Variants in MEGF11 observed in about 807,000 individuals in gnomAD.
The protein encoded by MEGF11 is multiple epidermal growth factor-like domains protein 11.
In MEGF11, 126 loss-of-function variants were observed where a neutral mutation model predicts 146.6. That is an observed-to-expected ratio of 0.86 (90% CI 0.74 to 1.00). The LOEUF (loss-of-function observed/expected upper bound fraction) is 1.00. Among genes scored for constraint, MEGF11 ranks in the 50% least tolerant of loss-of-function variants. MEGF11 has a pLI of 0.00. For missense variants in MEGF11, 1,509 were observed against 1,521.2 expected (o/e 0.99, Z 0.13); for synonymous variants, 532 against 583.4 (o/e 0.91, Z 1.27).
At chr15:66,071,349 G>T (rs1011842576) in intron 5 of MEGF11, among the ~76,000 whole-genome samples, 1 of 152,188 alleles carries the variant, frequency 6.6e-6, no homozygotes, top group Non-Finnish European at 1.5e-5. Context: ...AGCCTCTGAG[G>T]TCATCAGCCA....
At chr15:66,183,204 A>G (rs2090599060) in intron 1 of MEGF11, among the ~76,000 whole-genome samples, 1 of 152,144 alleles carries the variant, frequency 6.6e-6, no homozygotes. Context: ...GGGGAAGGAG[A>G]AGATACACAC....
intron 7 of MEGF11, among the ~76,000 whole-genome samples, chr15:65,978,058 TC>T (rs1409761402): frequency 1.3e-5 from 2 of 152,270 alleles, no homozygotes; most frequent in East Asian, 3.8e-4. Context: ...GCCAGGAATC[TC>T]TGAGGAGGGG....
rs141557317 is a variant in MEGF11 at position 66,211,251 on chromosome 15, T to C, written c.-9+42354A>G. Among the ~76,000 whole-genome samples the C allele has an allele frequency of 3.5e-3, 538 of 152,302 alleles. 2 individuals carry two copies. Among genetic ancestry groups the C allele is most frequent in the South Asian group, 0.015 (71 of 4,824 alleles). ...AGAAAGAAAATCATCCAGCCGGGCT[T>C]GGTGGCTCACGCCTGTAATCTCAGC... On this transcript the variant is annotated intron_variant, in intron 1 of 25. Coordinates refer to ENST00000395614, the MANE Select transcript of MEGF11 (RefSeq NM_001385028.1).
intron 4 of MEGF11, among the ~76,000 whole-genome samples, chr15:66,112,904 T>A (rs2087508852): frequency 6.6e-6 from 1 of 152,068 alleles, no homozygotes; most frequent in Non-Finnish European, 1.5e-5. Context: ...CTGAAAGAAC[T>A]AAAGAACTTT....
At chr15:65,905,975 G>T in intron 24 of MEGF11, 110 bp downstream of exon 24, 4 of 846,706 alleles carry the variant, frequency 4.7e-6, no homozygotes, top group Non-Finnish European at 5.6e-6. Context: ...ACCTTCTGTG[G>T]GGGGCAGGCA....
At chr15:66,086,101 C>G (rs1340824444) in intron 5 of MEGF11, among the ~76,000 whole-genome samples, 1 of 151,894 alleles carries the variant, frequency 6.6e-6, no homozygotes, top group Non-Finnish European at 1.5e-5. Flanking sequence ...TTAACCCAAT[C>G]CAACAAAGAC....
At chr15:66,195,823 G>A (rs547284584) in intron 1 of MEGF11, among the ~76,000 whole-genome samples, 2 of 152,304 alleles carry the variant, frequency 1.3e-5, no homozygotes, top group African/African-American at 2.4e-5. Context: ...GGAATGAGCC[G>A]CGGTGGGGCC....
chr15:66,047,952 T>C (rs1403098118), intron 5 of MEGF11, among the ~76,000 whole-genome samples: 3 of 18,242 alleles, frequency 1.6e-4, no homozygotes, highest in Non-Finnish European at 4.2e-4. Flanking sequence ...CTGGGAGGAG[T>C]GTTTTTTTTT....
At chr15:65,952,232 A>G (rs182962134) in intron 10 of MEGF11, among the ~76,000 whole-genome samples, 23 of 152,206 alleles carry the variant, frequency 1.5e-4, no homozygotes, top group African/African-American at 5.1e-4. Context: ...TATGTGTGCT[A>G]CAGATTGTGG....
At chr15:66,240,817 G>T (rs2092194593) in intron 1 of MEGF11, among the ~76,000 whole-genome samples, 1 of 152,208 alleles carries the variant, frequency 6.6e-6, no homozygotes, top group African/African-American at 2.4e-5. Flanking sequence ...TTTGGGTACA[G>T]CTGTCCTGGG....
chr15:66,025,998 G>A (rs553999454), intron 5 of MEGF11, among the ~76,000 whole-genome samples: 2 of 152,280 alleles, frequency 1.3e-5, no homozygotes, highest in South Asian at 4.1e-4. Flanking sequence ...CGGACTAGTG[G>A]CTCCTCACCT....
intron 1 of MEGF11, among the ~76,000 whole-genome samples, chr15:66,199,988 A>G (rs1379897151): frequency 6.6e-6 from 1 of 152,272 alleles, no homozygotes; most frequent in Non-Finnish European, 1.5e-5. Flanking sequence ...ACAACCTTAT[A>G]ATAACATTAG....
Position 66,123,730 on chromosome 15 carries a change from C to T in MEGF11, c.200+169G>A, listed in dbSNP as rs142203793. 9.2e-5 allele frequency among the ~76,000 whole-genome samples: 14 copies of T among 152,306 alleles called. No homozygotes were observed. In the East Asian group the frequency reaches 2.5e-3, roughly 27 times the overall value. ...TCTCCAGCACTGCTGGCCTGTACTA[C>T]CCGCAAGCTCTTTTGGCCAGAAAGA... On this transcript the variant is annotated intron_variant, in intron 3 of 25. Transcript: ENST00000395614.
At chr15:66,246,375 G>A (rs28637960) in intron 1 of MEGF11, among the ~76,000 whole-genome samples, 26,054 of 152,168 alleles carry the variant, frequency 0.17, 2,686 homozygotes, top group Middle Eastern at 0.31. Flanking sequence ...AAACATCTGG[G>A]AAGGTGGTTT....
At chr15:66,194,345 C>T (rs1597145494) in intron 1 of MEGF11, among the ~76,000 whole-genome samples, 1 of 152,136 alleles carries the variant, frequency 6.6e-6, no homozygotes, top group African/African-American at 2.4e-5. Flanking sequence ...ATGGTGGCTC[C>T]TGCCTGTAAT....
chr15:66,045,634 A>C (rs928045972), intron 5 of MEGF11, among the ~76,000 whole-genome samples: 1 of 152,158 alleles, frequency 6.6e-6, no homozygotes, highest in Non-Finnish European at 1.5e-5. Flanking sequence ...CTCCAAATGA[A>C]ACACAGAAGA....
At chr15:66,098,316 C>T (rs2086638571) in intron 4 of MEGF11, among the ~76,000 whole-genome samples, 1 of 152,208 alleles carries the variant, frequency 6.6e-6, no homozygotes, top group Non-Finnish European at 1.5e-5. Context: ...GCCCCATCTG[C>T]TGTCCCCAGC....
chr15:66,092,808 A>G (rs2086374535), intron 5 of MEGF11, among the ~76,000 whole-genome samples: 2 of 152,314 alleles, frequency 1.3e-5, no homozygotes, highest in South Asian at 2.1e-4. Flanking sequence ...TCAACCTCCA[A>G]TAGGCTGCCT....
chr15:65,901,335 A>G (rs1418964460), intron 24 of MEGF11, among the ~76,000 whole-genome samples: 2 of 151,830 alleles, frequency 1.3e-5, no homozygotes, highest in East Asian at 3.9e-4. Flanking sequence ...CATATTTTCT[A>G]ACGTGATGAA....
Sources: allele counts gnomAD v4.1 joint callset (sites outside exome capture counted in the v4.1 genomes callset), GRCh38; gene constraint gnomAD v4.1.1; transcripts MANE v1.5; gene names NCBI Gene and HGNC (gene_info 2026-07-23, HGNC 2026-07-21).